The following HTR2C variants were observed in gnomAD, a reference collection of about 807,000 sequenced individuals.
The protein encoded by HTR2C is 5-hydroxytryptamine (serotonin) receptor 2C, G protein-coupled.
HTR2C carries 5 observed loss-of-function variants against 21.0 expected under a neutral mutation model. The ratio of observed to expected loss-of-function variants is 0.24; its 90% confidence interval spans 0.12 to 0.50. HTR2C has a LOEUF of 0.50. Among genes scored for constraint, HTR2C ranks in the 20% least tolerant of loss-of-function variants. HTR2C has a pLI of 0.98. For synonymous variants in HTR2C, 150 were observed against 145.3 expected, an observed-to-expected ratio of 1.03 and a Z score of -0.23; for missense variants, 271 against 371.2, an observed-to-expected ratio of 0.73 and a Z score of 2.22.
intron 4 of HTR2C, among the ~76,000 whole-genome samples, chrX:114,754,953 G>C (rs2069796617): frequency 8.9e-6 from 1 of 111,947 alleles, no homozygotes; most frequent in South Asian, 3.6e-4. Flanking sequence ...TAAAACCACG[G>C]AAGTGGCCGG....
chrX:114,847,353 T>C (rs1402704558), intron 4 of HTR2C, among the ~76,000 whole-genome samples: 3 of 93,037 alleles, frequency 3.2e-5, no homozygotes, highest in Admixed American at 2.6e-4. Flanking sequence ...AACCAAACAC[T>C]GCATGTTCTC....
At chrX:114,775,927 ATCGACC>A in intron 4 of HTR2C, 1 of 368,892 alleles carries the variant, frequency 2.7e-6, no homozygotes, top group Non-Finnish European at 4.9e-6. Context: ...CTTAGAGAGA[ATCGACC>A]TCAATACTGG....
At chrX:114,663,578 G>A (rs1249931628) in intron 2 of HTR2C, among the ~76,000 whole-genome samples, 1 of 111,199 alleles carries the variant, frequency 9.0e-6, no homozygotes, top group Non-Finnish European at 1.9e-5. Context: ...AAAGGTTTTT[G>A]TTTTACTTTT....
At chrX:114,817,530 T>C (rs1361203749) in intron 4 of HTR2C, among the ~76,000 whole-genome samples, 2 of 111,960 alleles carry the variant, frequency 1.8e-5, no homozygotes, top group African/African-American at 6.5e-5. Context: ...CAGAATGTGT[T>C]TGTTTAAGAA....
chrX:114,881,501 T>G (rs1556479840), intron 5 of HTR2C, among the ~76,000 whole-genome samples: 1 of 95,715 alleles, frequency 1.0e-5, no homozygotes, highest in African/African-American at 4.6e-5. Flanking sequence ...ATTTTGAGGG[T>G]TTTTTTTTTT....
At chrX:114,726,591 T>A (rs782697415) in intron 2 of HTR2C, among the ~76,000 whole-genome samples, 1 of 112,509 alleles carries the variant, frequency 8.9e-6, no homozygotes, top group East Asian at 2.8e-4. Context: ...TGAAGCCATG[T>A]CTACTCCAAG....
intron 4 of HTR2C, among the ~76,000 whole-genome samples, chrX:114,839,782 G>A (rs2070817931): frequency 9.0e-6 from 1 of 111,409 alleles, no homozygotes; most frequent in South Asian, 3.8e-4. Flanking sequence ...GGAAGGTGAA[G>A]GAGCACCTAG....
intron 2 of HTR2C, among the ~76,000 whole-genome samples, chrX:114,662,534 A>G (rs907690687): frequency 2.7e-5 from 3 of 111,997 alleles, no homozygotes; most frequent in Admixed American, 9.5e-5. Context: ...AGATGAATAA[A>G]TTATTTGAAA....
In HTR2C at chrX:114,844,767, A is replaced by G. The variant is rs148429049; in HGVS notation, c.350-3236A>G. On this transcript the variant is annotated intron_variant, in intron 4 of 5. Coordinates refer to ENST00000276198, the MANE Select transcript of HTR2C (RefSeq NM_000868.4). ...AAGATAGTTGTTGTGAACAACATCAACTAAAAGAAGAACATCATCTATTGA... is the reference window on the plus strand; with the variant it reads ...AAGATAGTTGTTGTGAACAACATCAGCTAAAAGAAGAACATCATCTATTGA... Among the ~76,000 whole-genome samples the G allele has an allele frequency of 5.5e-3, 613 of 112,187 alleles. 2 individuals are homozygous for G. The highest frequency in any genetic ancestry group is 9.1e-3 in the Non-Finnish European group (482 of 53,143).
At chrX:114,685,338 A>G (rs1358193524) in intron 2 of HTR2C, among the ~76,000 whole-genome samples, 1 of 111,771 alleles carries the variant, frequency 8.9e-6, no homozygotes, top group Admixed American at 9.6e-5. Flanking sequence ...TATAAGCAAG[A>G]TATTAATAGA....
At chrX:114,805,509 G>T (rs1602809063) in intron 4 of HTR2C, among the ~76,000 whole-genome samples, 1 of 87,606 alleles carries the variant, frequency 1.1e-5, no homozygotes, top group South Asian at 6.3e-4. Context: ...TAGGTTTGTA[G>T]ATATATATAT....
chrX:114,836,251 G>C (rs782638555), intron 4 of HTR2C, among the ~76,000 whole-genome samples: 3 of 111,239 alleles, frequency 2.7e-5, no homozygotes, highest in African/African-American at 9.7e-5. Flanking sequence ...GAGCTTCCTG[G>C]CTGCTTTGTT....
At chrX:114,886,529 G>C (rs1303462590) in intron 5 of HTR2C, among the ~76,000 whole-genome samples, 1 of 108,964 alleles carries the variant, frequency 9.2e-6, no homozygotes, top group Non-Finnish European at 1.9e-5. Flanking sequence ...GCAACTCTAG[G>C]GCTTACCATA....
Position 114,590,102 on chromosome X carries a change from T to C in HTR2C, c.-147+5443T>C, listed in dbSNP as rs782157218. On this transcript the variant is annotated intron_variant, in intron 1 of 5. Transcript: ENST00000276198. Reference sequence around the variant, plus strand: ...AATTTGATAGCTATGACTTGGAAAATAGGTGCTATAAAAAGTAACTGCCAG... The same window carrying C: ...AATTTGATAGCTATGACTTGGAAAACAGGTGCTATAAAAAGTAACTGCCAG... 8.1e-5 allele frequency among the ~76,000 whole-genome samples: 9 copies of C among 111,554 alleles called. No individual in the cohort carries two copies. The South Asian group carries it at 3.0e-3, about 37-fold the overall frequency.
chrX:114,871,880 A>T, intron 5 of HTR2C, among the ~76,000 whole-genome samples: 1 of 106,094 alleles, frequency 9.4e-6, no homozygotes, highest in Admixed American at 1.0e-4. Flanking sequence ...GTATTTGTGA[A>T]TCAGTCTTGG....
rs1390214583 is a variant in HTR2C, at chrX:114,602,305, T to G, written c.-146-11510T>G. On this transcript the variant is annotated intron_variant, in intron 1 of 5. Transcript: ENST00000276198. ...ATAGTAGGGATGACAAGTTTTTTTTTGGGGGGGCACAGTCTAAGTTGGTCT... is the reference window on the plus strand; with the variant it reads ...ATAGTAGGGATGACAAGTTTTTTTTGGGGGGGGCACAGTCTAAGTTGGTCT... 1.5e-3 allele frequency among the ~76,000 whole-genome samples: 23 copies of G among 15,208 alleles called. 4 individuals are homozygous for G. Among genetic ancestry groups the G allele is most frequent in the Middle Eastern group, 0.026 (1 of 38 alleles). The allele number at this position is 15,208 out of a possible 115,157, so 13.2% of individuals were successfully genotyped here. A position where few individuals can be genotyped will look rare whatever the true frequency, so the allele number is the denominator to read the frequency against.
At chrX:114,791,555 A>AT (rs1556443600) in intron 4 of HTR2C, among the ~76,000 whole-genome samples, 5 of 111,618 alleles carry the variant, frequency 4.5e-5, no homozygotes, top group Non-Finnish European at 9.4e-5. Context: ...TAACTATTTA[A>AT]TTCAAAACTA....
At chrX:114,862,423 C>T (rs1209419872) in intron 5 of HTR2C, among the ~76,000 whole-genome samples, 1 of 110,273 alleles carries the variant, frequency 9.1e-6, no homozygotes, top group Admixed American at 9.7e-5. Flanking sequence ...TATGATGCCT[C>T]CAACTTCATT....
At chrX:114,852,840 T>TGC (rs1211164276) in intron 5 of HTR2C, among the ~76,000 whole-genome samples, 4 of 110,146 alleles carry the variant, frequency 3.6e-5, no homozygotes, top group Admixed American at 9.8e-5. Flanking sequence ...TGTGTTTGTG[T>TGC]GCGCGCGCGC....
Sources: gnomAD v4.1 joint callset for allele counts (sites outside exome capture counted in the v4.1 genomes callset) on GRCh38, gnomAD v4.1.1 for gene constraint, MANE v1.5 for transcripts, NCBI Gene and HGNC (gene_info 2026-07-23, HGNC 2026-07-21) for gene names.